COX7B2: variants seen among roughly 807,000 people sequenced by gnomAD.
COX7B2 encodes cytochrome c oxidase subunit 7B2.
For synonymous variants in COX7B2, 37 were observed against 32.1 expected (o/e 1.15, Z -0.51); for missense variants, 109 against 95.9 (o/e 1.14, Z -0.57).
At chr4:46,770,178 A>G (rs1161602886) in intron 2 of COX7B2, among the ~76,000 whole-genome samples, 1 of 152,232 alleles carries the variant, frequency 6.6e-6, no homozygotes, top group Non-Finnish European at 1.5e-5. Context: ...TGCAAAAATC[A>G]GTTGTGTTTC....
intron 2 of COX7B2, among the ~76,000 whole-genome samples, chr4:46,809,039 A>G (rs1408518414): frequency 6.6e-6 from 1 of 151,816 alleles, no homozygotes. Flanking sequence ...GATACCTACA[A>G]TCTTGGTAGG....
chr4:46,804,109 T>C (rs57922153), intron 2 of COX7B2, among the ~76,000 whole-genome samples: 1,561 of 152,190 alleles, frequency 0.01, 28 homozygotes, highest in African/African-American at 0.035. Flanking sequence ...ACCTTCACAG[T>C]GAGTGTCACA....
intron 1 of COX7B2, among the ~76,000 whole-genome samples, chr4:46,870,236 CAT>C (rs1187131858): frequency 2.0e-5 from 3 of 151,962 alleles, no homozygotes; most frequent in Non-Finnish European, 4.4e-5. Context: ...ACAAAAACCA[CAT>C]GATTACCTCA....
chr4:46,847,378 A>G (rs1421507584), intron 1 of COX7B2, among the ~76,000 whole-genome samples: 1 of 152,086 alleles, frequency 6.6e-6, no homozygotes, highest in Non-Finnish European at 1.5e-5. Context: ...GCCTCCAGCC[A>G]ACAAAACATA....
At chr4:46,862,053 A>C (rs1184283857) in intron 1 of COX7B2, among the ~76,000 whole-genome samples, 4 of 152,164 alleles carry the variant, frequency 2.6e-5, no homozygotes, top group Non-Finnish European at 5.9e-5. Flanking sequence ...TCAGCATCAG[A>C]AAGTAGCCAC....
intron 1 of COX7B2, among the ~76,000 whole-genome samples, chr4:46,863,196 T>C (rs1389652705): frequency 1.3e-5 from 2 of 152,112 alleles, no homozygotes; most frequent in Middle Eastern, 3.2e-3. Context: ...AAGGAACTGA[T>C]AAGGAGGGAG....
intron 2 of COX7B2, among the ~76,000 whole-genome samples, chr4:46,830,306 A>G (rs1485553493): frequency 2.7e-5 from 4 of 147,522 alleles, no homozygotes; most frequent in Non-Finnish European, 6.0e-5. Context: ...CCTGGGCTAC[A>G]GAGCAAGACT....
chr4:46,772,113 C>CA (rs1398243790), intron 2 of COX7B2, among the ~76,000 whole-genome samples: 3 of 151,590 alleles, frequency 2.0e-5, no homozygotes, highest in Admixed American at 2.0e-4. Context: ...ATTATTGAGC[C>CA]AAAAAAGGGA....
chr4:46,820,972 C>G (rs979289287), intron 2 of COX7B2, among the ~76,000 whole-genome samples: 2 of 152,038 alleles, frequency 1.3e-5, no homozygotes, highest in Admixed American at 1.3e-4. Context: ...AGAATTACTA[C>G]AGTCGAAACC....
At chr4:46,744,473 G>T (rs982478144) in intron 2 of COX7B2, among the ~76,000 whole-genome samples, 6 of 151,942 alleles carry the variant, frequency 3.9e-5, no homozygotes, top group Admixed American at 2.0e-4. Flanking sequence ...GTGGTGAGCA[G>T]CAGAACCTAG....
intron 1 of COX7B2, among the ~76,000 whole-genome samples, chr4:46,871,907 G>A (rs1280203226): frequency 1.3e-5 from 2 of 152,170 alleles, no homozygotes; most frequent in African/African-American, 2.4e-5. Context: ...GTAGAAAGCA[G>A]TATGGTGATT....
intron 2 of COX7B2, among the ~76,000 whole-genome samples, chr4:46,799,208 T>G (rs1490379465): frequency 1.3e-5 from 2 of 152,072 alleles, no homozygotes; most frequent in African/African-American, 2.4e-5. Context: ...TGTACATTGG[T>G]TTTTTATCCT....
At chr4:46,756,615 G>C (rs1345643223) in intron 2 of COX7B2, among the ~76,000 whole-genome samples, 1 of 151,632 alleles carries the variant, frequency 6.6e-6, no homozygotes, top group Non-Finnish European at 1.5e-5. Context: ...CAAGGAAAAA[G>C]AAATAGCCCT....
intron 2 of COX7B2, among the ~76,000 whole-genome samples, chr4:46,751,722 G>A (rs1191554832): frequency 6.6e-6 from 1 of 152,056 alleles, no homozygotes; most frequent in Admixed American, 6.6e-5. Context: ...TTGAGGAAAA[G>A]ACAATTACGG....
Position 46,751,594 on chromosome 4 carries a change from T to G in COX7B2, c.-49-16353A>C, listed in dbSNP as rs148809938. 3.8e-3 allele frequency among the ~76,000 whole-genome samples: 573 copies of G among 152,206 alleles called. 5 individuals are homozygous for G. Among genetic ancestry groups the G allele is most frequent in the African/African-American group, 0.013 (556 of 41,544 alleles). Reference sequence around the variant, plus strand: ...TCAGTTTAGTGTGAGAGCAAGCTATTTAGCAACCACAAGCCTATATACTTG... The same window carrying G: ...TCAGTTTAGTGTGAGAGCAAGCTATGTAGCAACCACAAGCCTATATACTTG... On this transcript the variant is annotated intron_variant, in intron 2 of 2. Transcript: ENST00000355591.
At chr4:46,785,780 C>CA (rs754671374) in intron 2 of COX7B2, among the ~76,000 whole-genome samples, 23 of 152,156 alleles carry the variant, frequency 1.5e-4, no homozygotes, top group African/African-American at 2.2e-4. Context: ...AGAAGGGGAG[C>CA]AACCCATGGG....
chr4:46,863,369 C>T (rs1717449712), intron 1 of COX7B2, among the ~76,000 whole-genome samples: 1 of 152,034 alleles, frequency 6.6e-6, no homozygotes. Flanking sequence ...TCGGAAAGTA[C>T]AAGCATGTGA....
intron 2 of COX7B2, among the ~76,000 whole-genome samples, chr4:46,754,680 T>TA (rs1715644378): frequency 8.2e-6 from 1 of 122,490 alleles, no homozygotes; most frequent in Non-Finnish European, 1.6e-5. Context: ...CCCTAGAACT[T>TA]AAAGTACAAT....
chr4:46,869,839 T>A (rs1375745750), intron 1 of COX7B2, among the ~76,000 whole-genome samples: 1 of 152,146 alleles, frequency 6.6e-6, no homozygotes, highest in Non-Finnish European at 1.5e-5. Context: ...GAAAATCTGA[T>A]GATTATGTGT....
Sources: gnomAD v4.1 joint callset for allele counts (sites outside exome capture counted in the v4.1 genomes callset) on GRCh38, gnomAD v4.1.1 for gene constraint, MANE v1.5 for transcripts, NCBI Gene and HGNC (gene_info 2026-07-23, HGNC 2026-07-21) for gene names.